Variants in ZBTB20 observed in about 807,000 individuals in gnomAD.
The protein encoded by ZBTB20 is zinc finger and BTB domain containing 20, also known as zinc finger and BTB domain-containing protein 20.
A neutral mutation model predicts 56.9 loss-of-function variants in ZBTB20; 9 were observed. That is an observed-to-expected ratio of 0.16 (90% confidence interval 0.10 to 0.28). ZBTB20 has a LOEUF of 0.28. Among genes scored for constraint, ZBTB20 ranks in the 10% least tolerant of loss-of-function variants. ZBTB20 has a pLI of 1.00. For missense variants in ZBTB20, 655 were observed against 1,003.0 expected (o/e 0.65, Z 4.69); for synonymous variants, 417 against 420.7 (o/e 0.99, Z 0.11).
chr3:114,415,680 G>A (rs2088470623), intron 7 of ZBTB20, among the ~76,000 whole-genome samples: 1 of 152,032 alleles, frequency 6.6e-6, no homozygotes, highest in Non-Finnish European at 1.5e-5. Flanking sequence ...CTATTTCATA[G>A]TCAAGGATTC....
At chr3:114,714,160 G>A (rs1412263280) in intron 5 of ZBTB20, 7 of 152,354 alleles carry the variant, frequency 4.6e-5, no homozygotes, top group African/African-American at 1.2e-4. Context: ...AATAAGTGAA[G>A]TACAGACAAG....
At chr3:114,661,154 G>A (rs1381363880) in intron 6 of ZBTB20, among the ~76,000 whole-genome samples, 1 of 152,046 alleles carries the variant, frequency 6.6e-6, no homozygotes, top group Non-Finnish European at 1.5e-5. Flanking sequence ...CAGTGTCTCT[G>A]TAATTCTTTG....
intron 4 of ZBTB20, among the ~76,000 whole-genome samples, chr3:114,872,558 A>G (rs1012338382): frequency 1.3e-5 from 2 of 152,036 alleles, no homozygotes; most frequent in African/African-American, 2.4e-5. Context: ...TAATGCAGAA[A>G]TAAGACGTTT....
At chr3:114,466,753 G>A (rs2109203627) in intron 7 of ZBTB20, among the ~76,000 whole-genome samples, 1 of 152,288 alleles carries the variant, frequency 6.6e-6, no homozygotes, top group Middle Eastern at 3.4e-3. Context: ...CACCTGCTGT[G>A]AGCAAGGGAC....
chr3:114,487,579 C>T (rs2042275842), intron 7 of ZBTB20, among the ~76,000 whole-genome samples: 1 of 152,222 alleles, frequency 6.6e-6, no homozygotes, highest in Admixed American at 6.5e-5. Context: ...TCAAGGAATG[C>T]TCCAATTACC....
chr3:114,337,349 G>C lies in ZBTB20; in HGVS notation c.*1656C>G, dbSNP rs888024633. 2 of 152,108 alleles carry C rather than the reference G, an allele frequency of 1.3e-5. No individual in the cohort carries two copies. Among genetic ancestry groups the C allele is most frequent in the Non-Finnish European group, 2.9e-5 (2 of 68,022 alleles). 9.4% of individuals were successfully genotyped at this position (152,108 alleles called of 1,614,324 possible). A position where few individuals can be genotyped will look rare whatever the true frequency, so the allele number is the denominator to read the frequency against. On this transcript the variant is annotated 3_prime_UTR_variant, in exon 12 of 12. Transcript: ENST00000675478. The stretch of plus-strand genomic sequence containing the variant: ...AGAGTTTTGTGAACTCCTCTTCCTG[G>C]CTGATCACAAAAGAAAAGACCCCAT...
intron 6 of ZBTB20, among the ~76,000 whole-genome samples, chr3:114,518,041 A>G (rs1468527226): frequency 6.6e-6 from 1 of 152,198 alleles, no homozygotes; most frequent in African/African-American, 2.4e-5. Context: ...TATCCTCATA[A>G]GAATACATAA....
chr3:114,626,104 A>T (rs191132310), intron 6 of ZBTB20, among the ~76,000 whole-genome samples: 187 of 152,342 alleles, frequency 1.2e-3, no homozygotes, highest in Admixed American at 3.3e-3. Context: ...GAACACGAGT[A>T]AAATATTTCT....
rs1364039959 is a variant in ZBTB20, at chr3:115,081,263, CTT to C, written c.-702-9851_-702-9850del. Among the ~76,000 whole-genome samples, 4 of 152,074 alleles carry C rather than the reference CTT, an allele frequency of 2.6e-5. No homozygotes were observed. The South Asian group carries it at 8.3e-4, about 31-fold the overall frequency. On this transcript the variant is annotated intron_variant, in intron 1 of 11. Transcript: ENST00000675478. ...TCTCAAAATTGTTGAGTAGAACAAA[CTT>C]TAACAGTTTCTCTTCCTTCATCATC...
Position 114,526,784 on chromosome 3 carries a change from G to A in ZBTB20, c.-294-26393C>T, listed in dbSNP as rs183169880. 3.4e-3 allele frequency among the ~76,000 whole-genome samples: 518 copies of A among 152,234 alleles called. 3 individuals are homozygous for A. Among genetic ancestry groups the A allele is most frequent in the African/African-American group, 0.012 (482 of 41,554 alleles). On this transcript the variant is annotated intron_variant, in intron 6 of 11. Coordinates refer to ENST00000675478, the MANE Select transcript of ZBTB20 (RefSeq NM_001348800.3). ...GTTTATAGGACAGGGAAAACAACTA[G>A]AACATTACAGCTATGTGGGGGATCA...
At chr3:114,502,919 A>T (rs551900980) in intron 6 of ZBTB20, 4 of 152,124 alleles carry the variant, frequency 2.6e-5, no homozygotes, top group Non-Finnish European at 5.9e-5. Context: ...ATGTTCAATG[A>T]TCATTTTTCT....
At chr3:114,762,905 A>C (rs2068537751) in intron 5 of ZBTB20, among the ~76,000 whole-genome samples, 1 of 152,176 alleles carries the variant, frequency 6.6e-6, no homozygotes, top group South Asian at 2.1e-4. Context: ...TTATATAGGA[A>C]AACCTTGTCT....
chr3:114,739,343 A>G (rs9855047), intron 5 of ZBTB20, among the ~76,000 whole-genome samples: 15,019 of 152,218 alleles, frequency 0.099, 1,091 homozygotes, highest in East Asian at 0.36. Flanking sequence ...CCTTTGTGTC[A>G]AACCTTAGAT....
In ZBTB20 at chr3:114,760,647, T is replaced by C. The variant is rs184555711; in HGVS notation, c.-343+40454A>G. Among the ~76,000 whole-genome samples the C allele has an allele frequency of 1.7e-3, 254 of 152,298 alleles. 1 individual carries two copies. The highest frequency in any genetic ancestry group is 2.7e-3 in the Non-Finnish European group (183 of 68,020). On this transcript the variant is annotated intron_variant, in intron 5 of 11. Coordinates refer to ENST00000675478, the MANE Select transcript of ZBTB20 (RefSeq NM_001348800.3). ...TTAAGAAACAAATGTTCCCCAAAAC[T>C]ATAATGTCTTGATATCATCAAAAAA...
chr3:115,122,779 C>A lies in ZBTB20; in HGVS notation c.-703+24440G>T, dbSNP rs180950607. 5.2e-4 allele frequency among the ~76,000 whole-genome samples: 79 copies of A among 152,172 alleles called. 1 individual carries two copies. Among genetic ancestry groups the A allele is most frequent in the African/African-American group, 1.8e-3 (76 of 41,562 alleles). ...CATTATAGATTACCCATTTTAAGAA[C>A]CTCAGTGTCCACCAATCTTCATCAC... On this transcript the variant is annotated intron_variant, in intron 1 of 11. Coordinates refer to ENST00000675478, the MANE Select transcript of ZBTB20 (RefSeq NM_001348800.3).
intron 5 of ZBTB20, among the ~76,000 whole-genome samples, chr3:114,701,094 C>T (rs1158290644): frequency 6.6e-6 from 1 of 152,170 alleles, no homozygotes; most frequent in African/African-American, 2.4e-5. Context: ...GAATGAAGCA[C>T]ATTAACCTGG....
chr3:114,576,496 C>A (rs954091799), intron 6 of ZBTB20, among the ~76,000 whole-genome samples: 1 of 42,858 alleles, frequency 2.3e-5, no homozygotes, highest in African/African-American at 8.7e-5. Flanking sequence ...AGCAAGACTC[C>A]GTCTCAAAAA....
At chr3:115,079,888 A>G (rs1274455180) in intron 1 of ZBTB20, among the ~76,000 whole-genome samples, 2 of 152,242 alleles carry the variant, frequency 1.3e-5, no homozygotes, top group Non-Finnish European at 2.9e-5. Flanking sequence ...GATACTAGAA[A>G]TAGAGTGCCT....
intron 10 of ZBTB20, among the ~76,000 whole-genome samples, chr3:114,359,673 C>T (rs1347857360): frequency 6.6e-6 from 1 of 152,188 alleles, no homozygotes; most frequent in African/African-American, 2.4e-5. Context: ...AGAGATGCTA[C>T]ATCCGTGGGT....
Sources: allele counts gnomAD v4.1 joint callset (sites outside exome capture counted in the v4.1 genomes callset), GRCh38; gene constraint gnomAD v4.1.1; transcripts MANE v1.5; gene names NCBI Gene and HGNC (gene_info 2026-07-23, HGNC 2026-07-21).